The following AKT3 variants were observed in gnomAD, a reference collection of about 807,000 sequenced individuals.
AKT3 encodes RAC-gamma serine/threonine-protein kinase.
In AKT3, 15 loss-of-function variants were observed where a neutral mutation model predicts 65.3. The observed-to-expected ratio is 0.23, with a 90% confidence interval of 0.15 to 0.35. The LOEUF is 0.35. Among genes scored for constraint, AKT3 ranks in the 10% least tolerant of loss-of-function variants. AKT3 has a pLI of 1.00. For synonymous variants in AKT3, 206 were observed against 183.8 expected, an observed-to-expected ratio of 1.12 and a Z score of -0.98; for missense variants, 243 against 576.5, an observed-to-expected ratio of 0.42 and a Z score of 5.92.
chr1:243,644,792 T>C (rs1294204869), intron 5 of AKT3, among the ~76,000 whole-genome samples: 1 of 152,174 alleles, frequency 6.6e-6, no homozygotes, highest in Non-Finnish European at 1.5e-5. Context: ...AATTTACACA[T>C]GTACAAAAGA....
At chr1:243,732,441 C>T (rs1687621569) in intron 2 of AKT3, among the ~76,000 whole-genome samples, 1 of 152,160 alleles carries the variant, frequency 6.6e-6, no homozygotes, top group East Asian at 1.9e-4. Context: ...CTAAATACAG[C>T]AAATGTGTTT....
chr1:243,497,650 G>A (rs1305794217), downstream of AKT3, among the ~76,000 whole-genome samples: 1 of 152,130 alleles, frequency 6.6e-6, no homozygotes, highest in African/African-American at 2.4e-5. Flanking sequence ...CCTGTTTCCT[G>A]GAGCTTATCA....
chr1:243,522,292 A>G (rs1034317360), intron 12 of AKT3, among the ~76,000 whole-genome samples: 2 of 152,204 alleles, frequency 1.3e-5, no homozygotes, highest in Non-Finnish European at 2.9e-5. Flanking sequence ...CAAAAGTTGA[A>G]TAAGTATGCA....
intron 4 of AKT3, among the ~76,000 whole-genome samples, chr1:243,649,386 ATATGT>A (rs1242560403): frequency 6.6e-6 from 1 of 150,918 alleles, no homozygotes; most frequent in African/African-American, 2.4e-5. Context: ...GTGTATATAT[ATATGT>A]TATGTGTATA....
intron 8 of AKT3, among the ~76,000 whole-genome samples, chr1:243,581,983 A>G (rs898273693): frequency 1.2e-4 from 18 of 152,058 alleles, no homozygotes; most frequent in African/African-American, 4.1e-4. Flanking sequence ...CCCAAGCAGA[A>G]GAAAGACTTG....
intron 2 of AKT3, among the ~76,000 whole-genome samples, chr1:243,759,806 A>G (rs907119155): frequency 1.3e-5 from 2 of 152,206 alleles, no homozygotes; most frequent in Non-Finnish European, 2.9e-5. Flanking sequence ...AAGAAGGATA[A>G]AAGGAAGGTT....
chr1:243,613,198 C>CAT (rs1201682511), intron 8 of AKT3, among the ~76,000 whole-genome samples: 12 of 148,376 alleles, frequency 8.1e-5, no homozygotes, highest in African/African-American at 1.5e-4. Flanking sequence ...TACACACACA[C>CAT]ACATATATAT....
chr1:243,662,392 T>C (rs1003829905), intron 4 of AKT3, among the ~76,000 whole-genome samples: 96 of 152,158 alleles, frequency 6.3e-4, no homozygotes, highest in Admixed American at 4.8e-3. Flanking sequence ...AATGATGAGT[T>C]CATGTCCTTT....
At chr1:243,758,881 T>C (rs1182002960) in intron 2 of AKT3, among the ~76,000 whole-genome samples, 2 of 152,026 alleles carry the variant, frequency 1.3e-5, no homozygotes, top group South Asian at 2.1e-4. Flanking sequence ...AGGCTGGGGG[T>C]TGGGGACACC....
intron 2 of AKT3, among the ~76,000 whole-genome samples, chr1:243,790,845 T>C (rs1269170013): frequency 2.0e-5 from 3 of 152,092 alleles, no homozygotes; most frequent in African/African-American, 7.3e-5. Flanking sequence ...GTACAGCCAG[T>C]TGCTGGATCA....
chr1:243,563,474 G>A (rs934798824), intron 10 of AKT3, among the ~76,000 whole-genome samples: 1 of 152,092 alleles, frequency 6.6e-6, no homozygotes, highest in Non-Finnish European at 1.5e-5. Context: ...ATATGGCCAA[G>A]AAATAAAAAT....
intron 2 of AKT3, among the ~76,000 whole-genome samples, chr1:243,841,195 G>A (rs1180042261): frequency 6.6e-6 from 1 of 150,966 alleles, no homozygotes; most frequent in Admixed American, 6.6e-5. Flanking sequence ...TTTTTCTATA[G>A]TCCATGGACT....
chr1:243,695,661 T>A lies in AKT3; in HGVS notation c.102A>T (p.Ser34=). The change falls in exon 3 of 14, where the codon TCA becomes TCT. Residue 34 remains serine (S), a synonymous_variant. Coordinates refer to ENST00000673466, the MANE Select transcript of AKT3 (RefSeq NM_005465.7). ...PRYFLLKTDG[S]FIGYKEKPQD... ...GAGGTTTCTCTTTATATCCTATGAA[T>A]GAGCCATCTGTCTTCAAAAGGAAGT... The A allele has an allele frequency of 1.2e-6, 2 of 1,609,038 alleles. No homozygotes were observed. The highest frequency in any genetic ancestry group is 1.7e-5 in the Admixed American group (1 of 59,780).
At chr1:243,547,584 T>A (rs1010642962) in intron 11 of AKT3, among the ~76,000 whole-genome samples, 10 of 152,220 alleles carry the variant, frequency 6.6e-5, no homozygotes, top group Non-Finnish European at 1.5e-4. Flanking sequence ...TTTATCTGGA[T>A]GCAATTCCAT....
chr1:243,828,189 T>C (rs1236034610), intron 2 of AKT3, among the ~76,000 whole-genome samples: 2 of 152,156 alleles, frequency 1.3e-5, no homozygotes, highest in African/African-American at 4.8e-5. Flanking sequence ...ACTAGTAATA[T>C]TCTACAGATT....
intron 2 of AKT3, among the ~76,000 whole-genome samples, chr1:243,710,417 C>T (rs565141543): frequency 6.6e-6 from 1 of 152,214 alleles, no homozygotes; most frequent in African/African-American, 2.4e-5. Context: ...TTAAAATATC[C>T]TTATATGAAG....
At chr1:243,836,910 C>CAAAA (rs779727098) in intron 2 of AKT3, among the ~76,000 whole-genome samples, 1 of 56,954 alleles carries the variant, frequency 1.8e-5, no homozygotes, top group Admixed American at 1.8e-4. Flanking sequence ...GACTCCATCT[C>CAAAA]AAAAAAAAAA....
intron 2 of AKT3, among the ~76,000 whole-genome samples, chr1:243,830,730 T>G (rs1313328142): frequency 6.6e-6 from 1 of 152,232 alleles, no homozygotes; most frequent in African/African-American, 2.4e-5. Context: ...TTTACCGTTC[T>G]AAGAGTAAAG....
intron 8 of AKT3, among the ~76,000 whole-genome samples, chr1:243,598,387 CTACA>C (rs1676776442): frequency 6.6e-6 from 1 of 152,058 alleles, no homozygotes; most frequent in Non-Finnish European, 1.5e-5. Context: ...AAGGCAAAGA[CTACA>C]TAGTTTTTTT....
Sources: gnomAD v4.1 joint callset for allele counts (sites outside exome capture counted in the v4.1 genomes callset) on GRCh38, gnomAD v4.1.1 for gene constraint, MANE v1.5 for transcripts, NCBI Gene and HGNC (gene_info 2026-07-23, HGNC 2026-07-21) for gene names.